Variants in ATP8B1 observed in about 807,000 individuals in gnomAD.
ATP8B1 encodes ATPase phospholipid transporting 8B1.
A neutral mutation model predicts 149.9 loss-of-function variants in ATP8B1; 80 were observed. The observed-to-expected ratio is 0.53, with a 90% CI of 0.45 to 0.64. The LOEUF is 0.64. Ranked by LOEUF, ATP8B1 falls within the 30% of genes least tolerant of loss-of-function variation. ATP8B1 has a pLI of 0.00. For synonymous variants in ATP8B1, 536 were observed against 562.8 expected (o/e 0.95, Z 0.67); for missense variants, 1,247 against 1,552.6 (o/e 0.80, Z 3.31).
At chr18:57,675,101 T>G (rs1029736110) in intron 15 of ATP8B1, 79 bp from the exon 16 acceptor site, 400 of 1,467,574 alleles carry the variant, frequency 2.7e-4, no homozygotes, top group Non-Finnish European at 3.7e-4. Context: ...CTGCTGAGGC[T>G]CCTGTGGGGG....
intron 12 of ATP8B1, among the ~76,000 whole-genome samples, chr18:57,689,019 G>A (rs541923441): frequency 3.0e-4 from 45 of 152,276 alleles, no homozygotes; most frequent in South Asian, 2.7e-3. Context: ...TCATTCTCAG[G>A]CTTCAGGGTC....
chr18:57,739,867 G>A (rs1268648695), intron 1 of ATP8B1, among the ~76,000 whole-genome samples: 1 of 152,176 alleles, frequency 6.6e-6, no homozygotes, highest in African/African-American at 2.4e-5. Context: ...TATCAAAGGT[G>A]AGGACCAATC....
At chr18:57,756,564 G>A (rs2080086562) in intron 1 of ATP8B1, among the ~76,000 whole-genome samples, 1 of 151,960 alleles carries the variant, frequency 6.6e-6, no homozygotes, top group Admixed American at 6.6e-5. Flanking sequence ...GCCTCCCAAA[G>A]TGAGATTACA....
At chr18:57,719,735 G>A (rs558072936) in intron 2 of ATP8B1, among the ~76,000 whole-genome samples, 1 of 152,356 alleles carries the variant, frequency 6.6e-6, no homozygotes, top group Non-Finnish European at 1.5e-5. Context: ...CAGCCGGGAA[G>A]CTCGAACTGG....
chr18:57,770,571 T>C (rs979956738), intron 1 of ATP8B1, among the ~76,000 whole-genome samples: 2 of 152,096 alleles, frequency 1.3e-5, no homozygotes, highest in African/African-American at 4.8e-5. Flanking sequence ...TGGAGCCAAA[T>C]TGTTGAGGCA....
chr18:57,762,058 C>T (rs2080163075), intron 1 of ATP8B1, among the ~76,000 whole-genome samples: 1 of 151,214 alleles, frequency 6.6e-6, no homozygotes, highest in South Asian at 2.1e-4. Context: ...GTACGCTGTT[C>T]ACATCTTGCA....
At chr18:57,745,492 G>A (rs938367899) in intron 1 of ATP8B1, among the ~76,000 whole-genome samples, 1 of 152,012 alleles carries the variant, frequency 6.6e-6, no homozygotes, top group African/African-American at 2.4e-5. Flanking sequence ...GGCTGGTCTT[G>A]AACTCCTGAC....
chr18:57,655,463 G>A (rs374480469), intron 22 of ATP8B1, 46 bp from the exon 23 acceptor site: 330 of 1,531,258 alleles, frequency 2.2e-4, no homozygotes, highest in Non-Finnish European at 2.9e-4. Context: ...AACCGATTGT[G>A]AGGCAAAACA....
At chr18:57,706,644 T>TTA in intron 2 of ATP8B1, 57 bp from the exon 3 acceptor site, 1 of 1,370,204 alleles carries the variant, frequency 7.3e-7, no homozygotes, top group South Asian at 1.2e-5. Context: ...TGTTATGAGT[T>TTA]GAATTGTGTC....
At chr18:57,792,287 G>A (rs2080470493) in intron 1 of ATP8B1, among the ~76,000 whole-genome samples, 1 of 151,346 alleles carries the variant, frequency 6.6e-6, no homozygotes, top group African/African-American at 2.5e-5. Flanking sequence ...AATACAATAA[G>A]GATGAAATTT....
chr18:57,652,195 C>G, intron 25 of ATP8B1, 23 bp from the exon 26 acceptor site: 1 of 1,613,790 alleles, frequency 6.2e-7, no homozygotes, highest in Non-Finnish European at 8.5e-7. Flanking sequence ...CAGAGAAAAA[C>G]AGAGCACTCA....
At chr18:57,742,552 C>T (rs566918259) in intron 1 of ATP8B1, among the ~76,000 whole-genome samples, 1 of 152,258 alleles carries the variant, frequency 6.6e-6, no homozygotes, top group Admixed American at 6.5e-5. Context: ...GATTGGCTGC[C>T]TGGGTGTGGT....
intron 11 of ATP8B1, among the ~76,000 whole-genome samples, chr18:57,694,234 G>C (rs1912688744): frequency 6.6e-6 from 1 of 152,096 alleles, no homozygotes; most frequent in Admixed American, 6.6e-5. Flanking sequence ...CTATGGGAAA[G>C]TAACAGCAAT....
intron 4 of ATP8B1, 39 bp downstream of exon 4, chr18:57,704,516 C>T (rs748588768): frequency 3.0e-6 from 4 of 1,322,084 alleles, no homozygotes; most frequent in Non-Finnish European, 3.3e-6. Context: ...TATCGAGTCA[C>T]TATAATTCAA....
chr18:57,697,188 G>C (rs556826219), intron 8 of ATP8B1, among the ~76,000 whole-genome samples: 8 of 152,228 alleles, frequency 5.3e-5, no homozygotes, highest in South Asian at 2.1e-4. Flanking sequence ...TTGAACCCAG[G>C]GGGTGTGGAG....
chr18:57,668,392 T>G (rs1266805418), intron 19 of ATP8B1, 37 bp downstream of exon 19: 10 of 1,521,602 alleles, frequency 6.6e-6, no homozygotes, highest in East Asian at 4.5e-5. Context: ...TAAATATTTG[T>G]GAATTAACAG....
Position 57,770,035 on chromosome 18 carries a change from TA to T in ATP8B1, c.-26+32962del, listed in dbSNP as rs1362332428. Among the ~76,000 whole-genome samples the T allele has an allele frequency of 2.6e-5, 4 of 150,992 alleles. 1 individual carries two copies. In the South Asian group the frequency reaches 8.4e-4, roughly 32 times the overall value. On this transcript the variant is annotated intron_variant, in intron 1 of 27. Coordinates refer to ENST00000648908, the MANE Select transcript of ATP8B1 (RefSeq NM_001374385.1). ...CCCAGCCAGCCCAGCATCCTGCTCA[TA>T]AAACCCTCATGCTGAGAACTGCTGA... is the stretch of plus-strand genomic sequence containing the variant.
intron 1 of ATP8B1, among the ~76,000 whole-genome samples, chr18:57,799,813 G>C (rs1009520219): frequency 2.0e-5 from 3 of 151,748 alleles, no homozygotes; most frequent in African/African-American, 7.3e-5. Flanking sequence ...TATGCTTTCA[G>C]AATCTTCCTA....
chr18:57,762,195 G>A (rs991450168), intron 1 of ATP8B1, among the ~76,000 whole-genome samples: 130 of 151,262 alleles, frequency 8.6e-4, no homozygotes, highest in African/African-American at 3.0e-3. Flanking sequence ...CTGTAGTGCA[G>A]TAATGTGATC....
Sources: allele counts gnomAD v4.1 joint callset (sites outside exome capture counted in the v4.1 genomes callset), GRCh38; gene constraint gnomAD v4.1.1; transcripts MANE v1.5; gene names NCBI Gene and HGNC (gene_info 2026-07-23, HGNC 2026-07-21).